The following SPOCK1 variants were observed in gnomAD, a reference collection of about 807,000 sequenced individuals.
The protein encoded by SPOCK1 is SPARC (osteonectin), cwcv and kazal like domains proteoglycan 1, also known as testican-1.
In SPOCK1, 23 loss-of-function variants were observed where a neutral mutation model predicts 55.3. The observed-to-expected ratio is 0.42, with a 90% CI of 0.30 to 0.59. The LOEUF (loss-of-function observed/expected upper bound fraction) is 0.59. Ranked by LOEUF, SPOCK1 falls within the 20% of genes least tolerant of loss-of-function variation. SPOCK1 has a pLI of 0.22. For missense variants in SPOCK1, 499 were observed against 552.5 expected, an observed-to-expected ratio of 0.90 and a Z score of 0.97; for synonymous variants, 226 against 221.0, an observed-to-expected ratio of 1.02 and a Z score of -0.20.
intron 3 of SPOCK1, among the ~76,000 whole-genome samples, chr5:137,226,672 G>T (rs775898418): frequency 6.6e-6 from 1 of 152,098 alleles, no homozygotes; most frequent in Non-Finnish European, 1.5e-5. Flanking sequence ...ACCCCTACCC[G>T]TAGGCTCAGG....
intron 2 of SPOCK1, among the ~76,000 whole-genome samples, chr5:137,387,122 C>T (rs777822233): frequency 2.8e-4 from 42 of 152,318 alleles, no homozygotes; most frequent in African/African-American, 9.6e-4. Flanking sequence ...CCCATACACA[C>T]CTATTAGAAT....
chr5:137,129,022 C>T (rs1753827060), intron 4 of SPOCK1, among the ~76,000 whole-genome samples: 1 of 152,212 alleles, frequency 6.6e-6, no homozygotes, highest in African/African-American at 2.4e-5. Flanking sequence ...TAAGGAAATA[C>T]AGTCCACCCT....
At chr5:137,223,141 T>C (rs1755887959) in intron 3 of SPOCK1, among the ~76,000 whole-genome samples, 1 of 152,060 alleles carries the variant, frequency 6.6e-6, no homozygotes, top group South Asian at 2.1e-4. Flanking sequence ...AGATAACAAC[T>C]GGGCAGGAAG....
intron 5 of SPOCK1, among the ~76,000 whole-genome samples, chr5:137,102,303 T>C (rs1753286457): frequency 6.6e-6 from 1 of 152,194 alleles, no homozygotes; most frequent in Non-Finnish European, 1.5e-5. Context: ...TGGAATCTTT[T>C]GCCAGGATTA....
At chr5:137,447,335 C>T (rs1440237027) in intron 2 of SPOCK1, among the ~76,000 whole-genome samples, 2 of 152,170 alleles carry the variant, frequency 1.3e-5, no homozygotes, top group South Asian at 2.1e-4. Flanking sequence ...TGCTACATAA[C>T]GAATGCCCCT....
At chr5:137,272,036 T>C (rs1347355) in intron 2 of SPOCK1, among the ~76,000 whole-genome samples, 103,440 of 152,086 alleles carry the variant, frequency 0.68, 35,708 homozygotes, top group African/African-American at 0.77. Flanking sequence ...GGAGGGCAGG[T>C]AGTCATTTTG....
intron 9 of SPOCK1, 134 bp from the exon 10 acceptor site, chr5:136,979,603 T>A (rs1750687411): frequency 8.4e-7 from 1 of 1,191,818 alleles, no homozygotes; most frequent in Non-Finnish European, 1.2e-6. Context: ...ATGGGGATGG[T>A]TGGCTATTAG....
intron 6 of SPOCK1, among the ~76,000 whole-genome samples, chr5:137,033,389 A>T (rs191374620): frequency 6.4e-4 from 97 of 152,158 alleles, no homozygotes; most frequent in African/African-American, 2.3e-3. Context: ...TCCCTACCAA[A>T]CCCCTATTCC....
In SPOCK1 at chr5:136,979,405, C is replaced by T. The variant is rs151231301; in HGVS notation, c.1056G>A (p.Thr352=). The T allele has an allele frequency of 4.6e-5, 74 of 1,614,122 alleles. No homozygotes were observed. In the African/African-American group the frequency reaches 6.5e-4, roughly 14 times the overall value. Residue 352 remains threonine, a synonymous_variant, in exon 10 of 11, where the codon ACG becomes ACA. Transcript: ENST00000394945. The part of the protein sequence containing the change: ...YYKATQCHGS[T]GQCWCVDKYG... The stretch of plus-strand genomic sequence containing the variant: ...ATTTGTCCACACACCAGCACTGCCC[C>T]GTGCTGCCGTGGCACTGTGTGGCTT...
At chr5:137,008,883 A>G (rs1751300186) in intron 6 of SPOCK1, among the ~76,000 whole-genome samples, 1 of 152,148 alleles carries the variant, frequency 6.6e-6, no homozygotes, top group Non-Finnish European at 1.5e-5. Context: ...AAACTGGGGG[A>G]GAAGGGAAGA....
At chr5:137,457,648 TC>T (rs1244692263) in intron 2 of SPOCK1, among the ~76,000 whole-genome samples, 1 of 152,162 alleles carries the variant, frequency 6.6e-6, no homozygotes, top group Admixed American at 6.5e-5. Flanking sequence ...AATCAGTAAT[TC>T]AACTAGCCTT....
chr5:137,322,722 C>A (rs546209749), intron 2 of SPOCK1, among the ~76,000 whole-genome samples: 1 of 151,334 alleles, frequency 6.6e-6, no homozygotes, highest in East Asian at 1.9e-4. Flanking sequence ...AAAAAAAAAT[C>A]AAAAGAGGAA....
chr5:137,377,111 C>T (rs1348592735), intron 2 of SPOCK1, among the ~76,000 whole-genome samples: 1 of 152,178 alleles, frequency 6.6e-6, no homozygotes, highest in Non-Finnish European at 1.5e-5. Flanking sequence ...AAGCCCTCCT[C>T]CAATTTTTTG....
chr5:136,996,100 G>T (rs1341108935), intron 6 of SPOCK1, among the ~76,000 whole-genome samples: 1 of 152,222 alleles, frequency 6.6e-6, no homozygotes, highest in Non-Finnish European at 1.5e-5. Context: ...GGTGATGGGA[G>T]AAAAGTGCCT....
chr5:137,351,083 C>G (rs1750669571), intron 2 of SPOCK1, among the ~76,000 whole-genome samples: 1 of 152,122 alleles, frequency 6.6e-6, no homozygotes, highest in East Asian at 1.9e-4. Context: ...GTTATAAAAA[C>G]AATCCTGACC....
chr5:137,447,167 T>C (rs1016136901), intron 2 of SPOCK1, among the ~76,000 whole-genome samples: 1 of 152,226 alleles, frequency 6.6e-6, no homozygotes, highest in Non-Finnish European at 1.5e-5. Flanking sequence ...TAAGCAGAAA[T>C]GTCTGTTTTG....
At chr5:137,378,479 G>C (rs1751378886) in intron 2 of SPOCK1, among the ~76,000 whole-genome samples, 1 of 152,242 alleles carries the variant, frequency 6.6e-6, no homozygotes, top group African/African-American at 2.4e-5. Flanking sequence ...GAGCTAAATG[G>C]CGGTAACTTG....
intron 2 of SPOCK1, among the ~76,000 whole-genome samples, chr5:137,289,932 G>C (rs1173276306): frequency 2.0e-5 from 3 of 152,170 alleles, no homozygotes; most frequent in Non-Finnish European, 4.4e-5. Context: ...AAAACTAAAA[G>C]ATAATGGCCA....
At chr5:137,468,497 A>G (rs1380727779) in intron 2 of SPOCK1, among the ~76,000 whole-genome samples, 2 of 152,216 alleles carry the variant, frequency 1.3e-5, no homozygotes, top group Non-Finnish European at 2.9e-5. Context: ...AAAGAAATTA[A>G]CAGTTGCTCA....
Sources: allele counts gnomAD v4.1 joint callset (sites outside exome capture counted in the v4.1 genomes callset), GRCh38; gene constraint gnomAD v4.1.1; transcripts MANE v1.5; gene names NCBI Gene and HGNC (gene_info 2026-07-23, HGNC 2026-07-21).